The following LARGE1 variants were observed in gnomAD, a reference collection of about 807,000 sequenced individuals.
LARGE1 encodes the protein xylosyl- and glucuronyltransferase LARGE1.
LARGE1 carries 43 observed loss-of-function variants against 87.6 expected under a neutral mutation model. The observed-to-expected ratio is 0.49, with a 90% CI of 0.38 to 0.63. The LOEUF (loss-of-function observed/expected upper bound fraction) is 0.63. Among genes scored for constraint, LARGE1 ranks in the 30% least tolerant of loss-of-function variants. LARGE1 has a pLI of 0.00. For synonymous variants in LARGE1, 434 were observed against 394.6 expected, an observed-to-expected ratio of 1.10 and a Z score of -1.18; for missense variants, 802 against 1,000.2, an observed-to-expected ratio of 0.80 and a Z score of 2.67.
chr22:33,784,840 A>C (rs942122892), intron 1 of LARGE1, among the ~76,000 whole-genome samples: 3 of 151,708 alleles, frequency 2.0e-5, no homozygotes, highest in Non-Finnish European at 2.9e-5. Flanking sequence ...TGTATAATAT[A>C]CACACATAGA....
intron 1 of LARGE1, among the ~76,000 whole-genome samples, chr22:33,854,349 GAAA>G (rs956454858): frequency 6.7e-6 from 1 of 149,466 alleles, no homozygotes; most frequent in African/African-American, 2.5e-5. Context: ...GTTGATGGCA[GAAA>G]AAAAAAATCT....
In LARGE1 at chr22:33,675,536, A is replaced by G. The variant is rs1434717077; in HGVS notation, c.107-24868T>C. 3.3e-5 allele frequency among the ~76,000 whole-genome samples: 5 copies of G among 152,150 alleles called. 1 individual carries two copies. The highest frequency in any genetic ancestry group is 7.4e-5 in the Non-Finnish European group (5 of 68,024). ...TTGATGTACTTGGGAAACAAAAAAC[A>G]ACAAAATAAGACAAAACGAAGGCCA... is the stretch of plus-strand genomic sequence containing the variant. On this transcript the variant is annotated intron_variant, in intron 2 of 14. Coordinates refer to ENST00000397394, the MANE Select transcript of LARGE1 (RefSeq NM_133642.5).
At chr22:33,462,073 T>G (rs2068404461) in intron 6 of LARGE1, among the ~76,000 whole-genome samples, 1 of 152,184 alleles carries the variant, frequency 6.6e-6, no homozygotes, top group South Asian at 2.1e-4. Context: ...TATTCATGAA[T>G]AGATAACCAT....
chr22:33,410,661 G>T (rs2066277272), intron 7 of LARGE1, among the ~76,000 whole-genome samples: 2 of 152,062 alleles, frequency 1.3e-5, no homozygotes, highest in Non-Finnish European at 2.9e-5. Context: ...AAATTACCCA[G>T]TCTCAGGTAT....
At chr22:33,186,377 G>A (rs1208366544) in intron 11 of LARGE1, among the ~76,000 whole-genome samples, 1 of 152,126 alleles carries the variant, frequency 6.6e-6, no homozygotes, top group Admixed American at 6.5e-5. Flanking sequence ...AGTAGCTACT[G>A]CATTAACAGA....
chr22:33,444,983 C>T (rs1321549843), intron 6 of LARGE1, among the ~76,000 whole-genome samples: 1 of 152,200 alleles, frequency 6.6e-6, no homozygotes, highest in Non-Finnish European at 1.5e-5. Context: ...GCGCGTACCA[C>T]CATGCACGGC....
intron 1 of LARGE1, among the ~76,000 whole-genome samples, chr22:33,905,404 G>A (rs1364929442): frequency 6.6e-6 from 1 of 151,974 alleles, no homozygotes; most frequent in Non-Finnish European, 1.5e-5. Context: ...TTGTACTGCC[G>A]TGCCTATTTT....
intron 12 of LARGE1, among the ~76,000 whole-genome samples, chr22:33,283,833 A>G (rs1438486432): frequency 7.0e-6 from 1 of 142,600 alleles, no homozygotes; most frequent in African/African-American, 3.1e-5. Flanking sequence ...AAAAGAAAGG[A>G]AAGAAAAGAA....
chr22:33,917,124 G>T (rs761370984), intron 1 of LARGE1, among the ~76,000 whole-genome samples: 13 of 152,204 alleles, frequency 8.5e-5, no homozygotes, highest in Non-Finnish European at 1.6e-4. Context: ...TTCAAACAGA[G>T]TCTAACTCTA....
intron 1 of LARGE1, among the ~76,000 whole-genome samples, chr22:33,851,766 G>T (rs767412738): frequency 6.6e-6 from 1 of 152,250 alleles, no homozygotes; most frequent in African/African-American, 2.4e-5. Context: ...GTTTTGCTCT[G>T]AATTGGGTGC....
intron 6 of LARGE1, among the ~76,000 whole-genome samples, chr22:33,554,558 T>C (rs931853871): frequency 3.9e-5 from 6 of 152,220 alleles, no homozygotes; most frequent in Non-Finnish European, 7.4e-5. Context: ...TACGTCCCCA[T>C]TCATCTCTAA....
chr22:33,287,777 C>T (rs1450234347), intron 12 of LARGE1, among the ~76,000 whole-genome samples: 1 of 152,188 alleles, frequency 6.6e-6, no homozygotes, highest in East Asian at 1.9e-4. Flanking sequence ...AGCCAGGAGA[C>T]TTCAGTTCTA....
At position 33,710,965 on chromosome 22, in the gene LARGE1, A is replaced by C. The variant is rs897162723; in HGVS notation, c.106+50406T>G. 3.3e-5 allele frequency among the ~76,000 whole-genome samples: 5 copies of C among 152,184 alleles called. No homozygotes were observed. In the South Asian group the frequency reaches 6.2e-4, roughly 19 times the overall value. ...CAGCTGCAGAAGACCTTTGGTAGTA[A>C]ACTGTCCCAAATCTTTACGTAAGAA... is the stretch of plus-strand genomic sequence containing the variant. On this transcript the variant is annotated intron_variant, in intron 2 of 14. Transcript: ENST00000397394.
At position 33,273,958 on chromosome 22, in the gene LARGE1, C is replaced by T; in HGVS notation, c.*469G>A. On this transcript the variant is annotated 3_prime_UTR_variant, in exon 15 of 15. Transcript: ENST00000397394. ...TGCCCTCCGTTTGAATGCCCAGCTA[C>T]ATTGCAGGGCAAAGGGGAAAGTTTT... The T allele has an allele frequency of 2.9e-6, 1 of 344,850 alleles. No individual in the cohort carries two copies. Among genetic ancestry groups the T allele is most frequent in the Non-Finnish European group, 5.2e-6 (1 of 191,744 alleles). The allele number at this position is 344,850 out of a possible 1,614,324, so 21.4% of individuals were successfully genotyped here.
intron 1 of LARGE1, among the ~76,000 whole-genome samples, chr22:33,799,185 G>A (rs2413201): frequency 0.91 from 138,599 of 152,092 alleles, 63,311 homozygotes; most frequent in East Asian, 0.97. Context: ...CAGTGGTGGA[G>A]TATCACGCCA....
the LARGE1 span, among the ~76,000 whole-genome samples, chr22:33,081,595 A>G: frequency 6.6e-6 from 1 of 152,236 alleles, no homozygotes; most frequent in Non-Finnish European, 1.5e-5. Flanking sequence ...GATTTTTTCA[A>G]ACTTTTTGAG....
chr22:33,796,571 G>A (rs1026460905), intron 1 of LARGE1, among the ~76,000 whole-genome samples: 3 of 152,090 alleles, frequency 2.0e-5, no homozygotes, highest in Non-Finnish European at 4.4e-5. Flanking sequence ...AATCAAAGAA[G>A]GACATGGGTC....
chr22:33,743,566 C>G (rs2083968836), intron 2 of LARGE1, among the ~76,000 whole-genome samples: 1 of 152,228 alleles, frequency 6.6e-6, no homozygotes, highest in African/African-American at 2.4e-5. Flanking sequence ...GTTCAGGTCA[C>G]CTCACTGCTT....
At chr22:33,716,946 C>T (rs113838726) in intron 2 of LARGE1, among the ~76,000 whole-genome samples, 1 of 152,154 alleles carries the variant, frequency 6.6e-6, no homozygotes, top group East Asian at 1.9e-4. Flanking sequence ...ACCAAGATCT[C>T]GTTACATATC....
Sources: gnomAD v4.1 joint callset for allele counts (sites outside exome capture counted in the v4.1 genomes callset) on GRCh38, gnomAD v4.1.1 for gene constraint, MANE v1.5 for transcripts, NCBI Gene and HGNC (gene_info 2026-07-23, HGNC 2026-07-21) for gene names.